Variants in NTRK3 observed in about 807,000 individuals in gnomAD.
NTRK3 encodes the protein neurotrophic receptor tyrosine kinase 3.
A neutral mutation model predicts 91.7 loss-of-function variants in NTRK3; 24 were observed. The ratio of observed to expected loss-of-function variants is 0.26; its 90% CI spans 0.19 to 0.37. The LOEUF is 0.37. NTRK3 is among the 10% of genes least tolerant of loss of function. The pLI is 1.00. For missense variants in NTRK3, 880 were observed against 1,068.9 expected, an observed-to-expected ratio of 0.82 and a Z score of 2.46; for synonymous variants, 483 against 404.0, an observed-to-expected ratio of 1.20 and a Z score of -2.34.
chr15:87,893,297 C>T (rs1277219296), intron 17 of NTRK3, among the ~76,000 whole-genome samples: 1 of 152,168 alleles, frequency 6.6e-6, no homozygotes, highest in Non-Finnish European at 1.5e-5. Context: ...AGCTGAAACC[C>T]CCAAACCCCA....
chr15:88,120,572 C>A (rs2052597393), intron 13 of NTRK3, among the ~76,000 whole-genome samples: 1 of 152,306 alleles, frequency 6.6e-6, no homozygotes, highest in East Asian at 1.9e-4. Context: ...CGCGTGCAGT[C>A]TCTAGCATGT....
chr15:87,878,744 T>C (rs1443329838), intron 18 of NTRK3, among the ~76,000 whole-genome samples: 1 of 152,216 alleles, frequency 6.6e-6, no homozygotes, highest in Non-Finnish European at 1.5e-5. Flanking sequence ...GGCCAATGCC[T>C]CTGTGAGTCT....
intron 17 of NTRK3, among the ~76,000 whole-genome samples, chr15:87,924,257 A>T (rs1420263956): frequency 6.6e-6 from 1 of 152,116 alleles, no homozygotes; most frequent in East Asian, 1.9e-4. Context: ...AGAGCTTACA[A>T]CTTTTCATCT....
At chr15:88,256,714 GCGCGGC>G in exon 1 of NTRK3, 1 of 369,772 alleles carries the variant, frequency 2.7e-6, no homozygotes, top group Middle Eastern at 6.8e-4. Flanking sequence ...ATGGCTCGCC[GCGCGGC>G]TGCAGAAATG....
intron 3 of NTRK3, among the ~76,000 whole-genome samples, chr15:88,212,091 G>A (rs968507326): frequency 6.6e-5 from 10 of 152,162 alleles, no homozygotes; most frequent in Admixed American, 1.3e-4. Context: ...CTAACAGGCC[G>A]GGCACGGTGG....
At chr15:87,952,199 A>G (rs1166081060) in intron 14 of NTRK3, among the ~76,000 whole-genome samples, 1 of 145,454 alleles carries the variant, frequency 6.9e-6, no homozygotes, top group Non-Finnish European at 1.6e-5. Context: ...AGAAGAAAGG[A>G]AAGAAAGAAA....
At chr15:88,185,819 G>A (rs927260574) in intron 3 of NTRK3, among the ~76,000 whole-genome samples, 5 of 152,192 alleles carry the variant, frequency 3.3e-5, no homozygotes, top group Non-Finnish European at 7.3e-5. Context: ...GACTATGACT[G>A]CCAGGGCCTC....
At chr15:87,982,952 C>T (rs144711261) in intron 14 of NTRK3, among the ~76,000 whole-genome samples, 5 of 152,340 alleles carry the variant, frequency 3.3e-5, no homozygotes, top group Middle Eastern at 3.4e-3. Context: ...ACACTCTTTC[C>T]ACCTGACTGT....
At chr15:87,882,349 C>G (rs370980773) in intron 17 of NTRK3, among the ~76,000 whole-genome samples, 1 of 152,242 alleles carries the variant, frequency 6.6e-6, no homozygotes, top group South Asian at 2.1e-4. Flanking sequence ...TAATTGAATA[C>G]ATATTCTAGA....
chr15:87,942,691 C>T (rs961429089), intron 14 of NTRK3, among the ~76,000 whole-genome samples: 1 of 152,144 alleles, frequency 6.6e-6, no homozygotes, highest in Admixed American at 6.5e-5. Context: ...AGAGCTTATG[C>T]ACCTCACAGA....
At chr15:88,252,668 G>T (rs534653573) in intron 3 of NTRK3, 5 of 152,320 alleles carry the variant, frequency 3.3e-5, no homozygotes, top group African/African-American at 4.8e-5. Context: ...CCTTTGTGAC[G>T]TCACAGCCTG....
intron 13 of NTRK3, among the ~76,000 whole-genome samples, chr15:88,086,946 C>A (rs557045683): frequency 2.6e-5 from 4 of 152,326 alleles, no homozygotes; most frequent in Admixed American, 2.0e-4. Flanking sequence ...CTCTGCCCTT[C>A]CAGGCTCTGT....
At chr15:88,058,817 A>G (rs2045950206) in intron 13 of NTRK3, among the ~76,000 whole-genome samples, 2 of 152,156 alleles carry the variant, frequency 1.3e-5, no homozygotes, top group Non-Finnish European at 2.9e-5. Flanking sequence ...GTCATTGCAC[A>G]TGGGATGATG....
In NTRK3 at chr15:88,152,023, G is replaced by A. The variant is rs115481914; in HGVS notation, c.396-4620C>T. 9.8e-3 allele frequency among the ~76,000 whole-genome samples: 1,495 copies of A among 152,214 alleles called. 24 individuals are homozygous for A. The highest frequency in any genetic ancestry group is 0.034 in the African/African-American group (1,397 of 41,504). On this transcript the variant is annotated intron_variant, in intron 5 of 18. Transcript: ENST00000394480. ...TCGTTTTTAAAATCCTTACCCAGCCGGGCGCCGTGGCTCACACCTGTAATC... is the reference window on the plus strand; with the variant it reads ...TCGTTTTTAAAATCCTTACCCAGCCAGGCGCCGTGGCTCACACCTGTAATC...
chr15:88,135,551 G>A (rs149166412), intron 9 of NTRK3, among the ~76,000 whole-genome samples, 154 bp from the exon 10 acceptor site: 48 of 152,308 alleles, frequency 3.2e-4, no homozygotes, highest in African/African-American at 1.1e-3. Context: ...CAGCAGAGGG[G>A]AAGAGATGTC....
At chr15:88,116,438 T>TA (rs869068486) in intron 13 of NTRK3, among the ~76,000 whole-genome samples, 2,019 of 121,410 alleles carry the variant, frequency 0.017, 53 homozygotes, top group East Asian at 0.14. Flanking sequence ...TACAAAAATT[T>TA]AAAAAAAAAA....
chr15:88,109,804 G>A (rs929203189), intron 13 of NTRK3, among the ~76,000 whole-genome samples: 7 of 152,048 alleles, frequency 4.6e-5, no homozygotes, highest in Non-Finnish European at 8.8e-5. Flanking sequence ...ATCCCCATGC[G>A]ATTCTACCAT....
intron 13 of NTRK3, among the ~76,000 whole-genome samples, chr15:88,044,254 CTTTTT>C (rs1181028004): frequency 2.5e-5 from 2 of 78,486 alleles, no homozygotes; most frequent in Non-Finnish European, 4.7e-5. Context: ...AGTCTATGTT[CTTTTT>C]TTTTTTTTTT....
intron 13 of NTRK3, among the ~76,000 whole-genome samples, chr15:88,104,877 C>T (rs1276334349): frequency 6.6e-6 from 1 of 152,178 alleles, no homozygotes; most frequent in East Asian, 1.9e-4. Flanking sequence ...CTCTACTGCC[C>T]TGTCCTTTTA....
Sources: allele counts gnomAD v4.1 joint callset (sites outside exome capture counted in the v4.1 genomes callset), GRCh38; gene constraint gnomAD v4.1.1; transcripts MANE v1.5; gene names NCBI Gene and HGNC (gene_info 2026-07-23, HGNC 2026-07-21).